Variants in CAMTA1 observed in about 807,000 individuals in gnomAD.
CAMTA1 encodes calmodulin-binding transcription activator 1.
In CAMTA1, 27 loss-of-function variants were observed where a neutral mutation model predicts 170.9. The ratio of observed to expected loss-of-function variants is 0.16; its 90% CI spans 0.12 to 0.22. The LOEUF is 0.22. Among genes scored for constraint, CAMTA1 ranks in the 10% least tolerant of loss-of-function variants. The probability of loss-of-function intolerance (pLI) is 1.00; values close to 1 mark genes in which losing one functional copy is unlikely to be tolerated. For missense variants in CAMTA1, 1,619 were observed against 2,217.2 expected, an observed-to-expected ratio of 0.73 and a Z score of 5.42; for synonymous variants, 833 against 891.5, an observed-to-expected ratio of 0.93 and a Z score of 1.17.
chr1:7,056,667 G>T (rs1191521748), intron 3 of CAMTA1, among the ~76,000 whole-genome samples: 2 of 151,944 alleles, frequency 1.3e-5, no homozygotes, highest in African/African-American at 2.4e-5. Flanking sequence ...CAGGGGATGG[G>T]GAGGCAGACC....
chr1:7,219,216 G>A (rs1660283935), intron 4 of CAMTA1: 1 of 151,828 alleles, frequency 6.6e-6, no homozygotes, highest in Admixed American at 6.5e-5. Flanking sequence ...TTCCGTTTCT[G>A]TGTTTACGGT....
chr1:7,057,577 A>G (rs533466807), intron 3 of CAMTA1, among the ~76,000 whole-genome samples: 21 of 152,188 alleles, frequency 1.4e-4, no homozygotes, highest in South Asian at 2.1e-4. Context: ...CAGCTGCCCA[A>G]TGGACTAGTC....
intron 3 of CAMTA1, among the ~76,000 whole-genome samples, chr1:6,923,176 C>T (rs1414228030): frequency 1.3e-5 from 2 of 152,176 alleles, no homozygotes; most frequent in African/African-American, 2.4e-5. Flanking sequence ...CACTTGTGCA[C>T]TTGTTGAGCG....
Position 7,064,863 on chromosome 1 carries a change from A to G in CAMTA1, c.235-26441A>G, listed in dbSNP as rs992755122. On this transcript the variant is annotated intron_variant, in intron 3 of 22. Transcript: ENST00000303635. The surrounding 1 kb of genome is among the most constrained non-coding windows in gnomAD (Gnocchi z 5.4). ...AGCTGGTTGGGTGACTCCTGCTGCC[A>G]TCTAGGCAAGACATGGCAGCCACTT... is the stretch of plus-strand genomic sequence containing the variant. Among the ~76,000 whole-genome samples the G allele has an allele frequency of 1.3e-5, 2 of 152,082 alleles. No individual in the cohort carries two copies. The highest frequency in any genetic ancestry group is 2.9e-5 in the Non-Finnish European group (2 of 68,016).
At chr1:7,412,227 G>A (rs372119350) in intron 5 of CAMTA1, among the ~76,000 whole-genome samples, 59 of 152,142 alleles carry the variant, frequency 3.9e-4, no homozygotes, top group Non-Finnish European at 6.6e-4. Context: ...ATACGTGTGC[G>A]TGTGTCTTTA....
rs2092322631 is a variant in CAMTA1 at position 7,435,631 on chromosome 1, GC to G, written c.439-32197del. The stretch of plus-strand genomic sequence containing the variant: ...GTCCCCCAGCTTTGGCGGAATCAGC[GC>G]CTCAGAAAGAACCAGGCAGCCTCCT... On this transcript the variant is annotated intron_variant, in intron 5 of 22. Coordinates refer to ENST00000303635, the MANE Select transcript of CAMTA1 (RefSeq NM_015215.4). This position sits in a 1 kb window ranked among gnomAD's most constrained non-coding sequence, Gnocchi z 4.4. 6.6e-6 allele frequency among the ~76,000 whole-genome samples: 1 copy of G among 152,172 alleles called. No homozygotes were observed. The highest frequency in any genetic ancestry group is 2.1e-4 in the South Asian group (1 of 4,830).
At chr1:7,743,371 A>T (rs2096832179) in intron 16 of CAMTA1, among the ~76,000 whole-genome samples, 1 of 152,102 alleles carries the variant, frequency 6.6e-6, no homozygotes, top group African/African-American at 2.4e-5. Flanking sequence ...CCCATTTTAA[A>T]TGCTCAGGGG....
intron 3 of CAMTA1, among the ~76,000 whole-genome samples, chr1:7,019,729 C>A (rs1455885117): frequency 1.3e-5 from 2 of 152,240 alleles, no homozygotes; most frequent in Non-Finnish European, 2.9e-5. Flanking sequence ...CACAGACACA[C>A]TGTGAGCCTT....
intron 11 of CAMTA1, among the ~76,000 whole-genome samples, chr1:7,724,607 C>A (rs971990917): frequency 3.3e-5 from 5 of 151,848 alleles, no homozygotes; most frequent in African/African-American, 1.2e-4. Context: ...CTGAGGTGGG[C>A]AGATCACGAA....
chr1:7,678,735 C>CTA (rs1181306117), intron 11 of CAMTA1, among the ~76,000 whole-genome samples: 1 of 152,172 alleles, frequency 6.6e-6, no homozygotes, highest in Non-Finnish European at 1.5e-5. Context: ...GGAGACCTTG[C>CTA]TAGCCCAGGA....
chr1:7,735,070 C>G (rs1330192818), intron 12 of CAMTA1, among the ~76,000 whole-genome samples: 1 of 152,110 alleles, frequency 6.6e-6, no homozygotes, highest in Admixed American at 6.5e-5. Context: ...ATTAATAACA[C>G]TTAAATTTCA....
At chr1:7,170,961 C>T (rs1285784901) in intron 4 of CAMTA1, among the ~76,000 whole-genome samples, 29 of 152,040 alleles carry the variant, frequency 1.9e-4, no homozygotes, top group Admixed American at 1.9e-3. Flanking sequence ...AAGTGTTTGT[C>T]GAATCAAGTT....
At chr1:7,440,218 AC>A (rs1175430908) in intron 5 of CAMTA1, among the ~76,000 whole-genome samples, 2 of 152,242 alleles carry the variant, frequency 1.3e-5, no homozygotes, top group Non-Finnish European at 2.9e-5. Flanking sequence ...CACTTTGTCC[AC>A]TTCATGGCAT....
rs1407790948 is a variant in CAMTA1, at chr1:7,014,558, A to AAGTAT, written c.235-76743_235-76739dup. ...CCTTTCTGTAACTAAAGCCCAGCCC[A>AAGTAT]AGTATAGGGAGCAATGGCCGAGCTT... is the stretch of plus-strand genomic sequence containing the variant. On this transcript the variant is annotated intron_variant, in intron 3 of 22. Coordinates refer to ENST00000303635, the MANE Select transcript of CAMTA1 (RefSeq NM_015215.4). The surrounding 1 kb of genome is among the most constrained non-coding windows in gnomAD (Gnocchi z 4.2). Among the ~76,000 whole-genome samples the AAGTAT allele has an allele frequency of 6.6e-6, 1 of 152,334 alleles. No homozygotes were observed. Among genetic ancestry groups the AAGTAT allele is most frequent in the African/African-American group, 2.4e-5 (1 of 41,578 alleles).
intron 3 of CAMTA1, among the ~76,000 whole-genome samples, chr1:7,056,544 G>A (rs953971861): frequency 1.3e-5 from 2 of 152,212 alleles, no homozygotes; most frequent in African/African-American, 4.8e-5. Context: ...TGCCAGCTGT[G>A]AGGATTCATT....
chr1:7,495,080 G>A (rs1038611819), intron 6 of CAMTA1, among the ~76,000 whole-genome samples: 4 of 152,136 alleles, frequency 2.6e-5, no homozygotes, highest in East Asian at 1.9e-4. Flanking sequence ...GGCTGCCCCC[G>A]TCGTTTAAAT....
intron 5 of CAMTA1, among the ~76,000 whole-genome samples, chr1:7,302,327 A>G (rs1236162597): frequency 6.6e-6 from 1 of 152,002 alleles, no homozygotes; most frequent in Non-Finnish European, 1.5e-5. Flanking sequence ...CCTCTCACCG[A>G]CAATAACAGG....
rs541668368 is a variant in CAMTA1 at position 6,822,770 on chromosome 1, A to G, written c.116-2322A>G. Among the ~76,000 whole-genome samples, 43 of 151,606 alleles carry G rather than the reference A, an allele frequency of 2.8e-4. 1 individual carries two copies. Among genetic ancestry groups the G allele is most frequent in the Non-Finnish European group, 3.1e-4 (21 of 67,876 alleles). On this transcript the variant is annotated intron_variant, in intron 2 of 22. Coordinates refer to ENST00000303635, the MANE Select transcript of CAMTA1 (RefSeq NM_015215.4). ...TATAGCAGTTAATTGTGCTGTTGAG[A>G]AGAGTACCTTTATTACATAAATACC...
chr1:7,428,929 G>GC (rs1249944421), intron 5 of CAMTA1, among the ~76,000 whole-genome samples: 1 of 152,222 alleles, frequency 6.6e-6, no homozygotes, highest in Admixed American at 6.5e-5. Context: ...TCTGCTGGCA[G>GC]CGATGGCAGA....
Sources: gnomAD v4.1 joint callset for allele counts (sites outside exome capture counted in the v4.1 genomes callset) on GRCh38, gnomAD v4.1.1 for gene constraint, Gnocchi (gnomAD v3.1) non-coding constraint, MANE v1.5 for transcripts, NCBI Gene and HGNC (gene_info 2026-07-23, HGNC 2026-07-21) for gene names.